Variants in ARHGEF38 observed in about 807,000 individuals in gnomAD.
ARHGEF38 encodes the protein Rho guanine nucleotide exchange factor (GEF) 38.
A neutral mutation model predicts 79.9 loss-of-function variants in ARHGEF38; 79 were observed. That is an observed-to-expected ratio of 0.99 (90% CI 0.82 to 1.19). The LOEUF (loss-of-function observed/expected upper bound fraction) is 1.19. ARHGEF38 is among the 50% of genes most tolerant of loss of function. The pLI, the probability that ARHGEF38 is intolerant of heterozygous loss-of-function variation, is 0.00. For synonymous variants in ARHGEF38, 366 were observed against 328.3 expected, an observed-to-expected ratio of 1.11 and a Z score of -1.24; for missense variants, 962 against 907.2, an observed-to-expected ratio of 1.06 and a Z score of -0.78.
chr4:105,663,760 G>A (rs925621037), intron 10 of ARHGEF38, among the ~76,000 whole-genome samples: 8 of 152,068 alleles, frequency 5.3e-5, no homozygotes, highest in Admixed American at 1.3e-4. Flanking sequence ...ACTTGAGGCC[G>A]AGAGTTCAAG....
chr4:105,585,726 C>CTTTCTTTT (rs1727003651), intron 1 of ARHGEF38, among the ~76,000 whole-genome samples: 1 of 71,504 alleles, frequency 1.4e-5, no homozygotes, highest in Non-Finnish European at 2.4e-5. Context: ...CCCTCCGTTG[C>CTTTCTTTT]TTTTTTTTTT....
At chr4:105,605,034 C>A (rs951045721) in intron 2 of ARHGEF38, among the ~76,000 whole-genome samples, 1 of 152,044 alleles carries the variant, frequency 6.6e-6, no homozygotes, top group Non-Finnish European at 1.5e-5. Context: ...GCTCAAAAGA[C>A]CTATTTTTTA....
Position 105,611,643 on chromosome 4 carries a change from T to C in ARHGEF38, c.385-1741T>C, listed in dbSNP as rs186724117. ...GTGATATTAAATATACTTTCTAATA[T>C]AGAAATTGAAAATCTTGAACCTCTC... On this transcript the variant is annotated intron_variant, in intron 2 of 13. Transcript: ENST00000420470. 4.2e-3 allele frequency among the ~76,000 whole-genome samples: 644 copies of C among 152,148 alleles called. 8 individuals are homozygous for C. Among genetic ancestry groups the C allele is most frequent in the African/African-American group, 0.014 (600 of 41,546 alleles).
chr4:105,632,468 T>C (rs1262677521), intron 4 of ARHGEF38, among the ~76,000 whole-genome samples: 2 of 152,212 alleles, frequency 1.3e-5, no homozygotes, highest in African/African-American at 2.4e-5. Context: ...AGTGTTAGTA[T>C]ATCAATTCAG....
At chr4:105,634,065 C>T (rs974855049) in intron 4 of ARHGEF38, among the ~76,000 whole-genome samples, 2 of 152,204 alleles carry the variant, frequency 1.3e-5, no homozygotes, top group South Asian at 4.1e-4. Flanking sequence ...CCAGATCCAC[C>T]AGGATGGTGT....
intron 2 of ARHGEF38, among the ~76,000 whole-genome samples, chr4:105,595,437 T>G (rs925408628): frequency 1.3e-5 from 2 of 152,232 alleles, no homozygotes; most frequent in African/African-American, 4.8e-5. Context: ...TGATATACTA[T>G]ATGGCAACAT....
intron 1 of ARHGEF38, among the ~76,000 whole-genome samples, chr4:105,577,080 T>C (rs974550615): frequency 8.6e-5 from 8 of 93,388 alleles, no homozygotes; most frequent in South Asian, 4.8e-4. Flanking sequence ...GCTTTCTTTT[T>C]TTTTACTTTC....
chr4:105,589,272 G>A lies in ARHGEF38; in HGVS notation c.221G>A (p.Cys74Tyr). 6.2e-7 allele frequency: 1 copy of A among 1,613,804 alleles called. No homozygotes were observed. The highest frequency in any genetic ancestry group is 2.2e-5 in the East Asian group (1 of 44,850). The part of the protein sequence containing the change: ...LQEKMTPQGE[C>Y]SVAETLTPEE... ...GAAAAGATGACTCCACAGGGTGAGT[G>A]TTCTGTAGCTGAGACCTTAACCCCA... The change falls in exon 2 of 14, where the codon TGT becomes TAT. Residue 74 changes from cysteine to tyrosine, a missense_variant. Coordinates refer to ENST00000420470, the MANE Select transcript of ARHGEF38 (RefSeq NM_001242729.2).
chr4:105,664,089 G>C (rs1197330060), intron 10 of ARHGEF38, among the ~76,000 whole-genome samples: 2 of 151,972 alleles, frequency 1.3e-5, no homozygotes, highest in African/African-American at 4.8e-5. Context: ...TGTGAATAAT[G>C]CTGCAATGAC....
At chr4:105,603,089 T>A (rs1417446200) in intron 2 of ARHGEF38, among the ~76,000 whole-genome samples, 1 of 152,204 alleles carries the variant, frequency 6.6e-6, no homozygotes, top group Non-Finnish European at 1.5e-5. Context: ...GTTTGGGAAC[T>A]GCCTTTAGCA....
In ARHGEF38 at chr4:105,678,354, TATAC is replaced by T. The variant is rs1336217260; in HGVS notation, c.*425_*428del. 6.3e-6 allele frequency: 1 copy of T among 158,408 alleles called. No individual in the cohort carries two copies. Among genetic ancestry groups the T allele is most frequent in the Non-Finnish European group, 1.4e-5 (1 of 71,468 alleles). 9.8% of individuals were successfully genotyped at this position (158,408 alleles called of 1,614,324 possible). A position where few individuals can be genotyped will look rare whatever the true frequency, so the allele number is the denominator to read the frequency against. On this transcript the variant is annotated 3_prime_UTR_variant, in exon 14 of 14. Coordinates refer to ENST00000420470, the MANE Select transcript of ARHGEF38 (RefSeq NM_001242729.2). ...TCTCTTGCAAATGCATACATGTTTA[TATAC>T]ATACATATAAACCATATATATTATG... is the stretch of plus-strand genomic sequence containing the variant.
At chr4:105,606,021 C>A (rs561274515) in intron 2 of ARHGEF38, among the ~76,000 whole-genome samples, 9 of 152,144 alleles carry the variant, frequency 5.9e-5, no homozygotes, top group Admixed American at 5.9e-4. Context: ...AATAATGGAT[C>A]AATCTAATTT....
chr4:105,621,610 G>A (rs966391406), intron 3 of ARHGEF38, among the ~76,000 whole-genome samples: 1 of 152,310 alleles, frequency 6.6e-6, no homozygotes, highest in African/African-American at 2.4e-5. Context: ...GGTCCCTGAA[G>A]TAGAAATCTG....
At chr4:105,658,415 A>T (rs1730425195) in intron 9 of ARHGEF38, among the ~76,000 whole-genome samples, 1 of 152,242 alleles carries the variant, frequency 6.6e-6, no homozygotes, top group Non-Finnish European at 1.5e-5. Context: ...TAATTAATTA[A>T]TTAAAAATAA....
At chr4:105,593,004 T>C (rs1727411285) in intron 2 of ARHGEF38, among the ~76,000 whole-genome samples, 2 of 152,300 alleles carry the variant, frequency 1.3e-5, no homozygotes, top group South Asian at 4.1e-4. Flanking sequence ...TTACCCTCCT[T>C]ATGGAATCAT....
chr4:105,557,611 A>T (rs1424382075), intron 1 of ARHGEF38, among the ~76,000 whole-genome samples: 1 of 151,616 alleles, frequency 6.6e-6, no homozygotes, highest in Non-Finnish European at 1.5e-5. Flanking sequence ...AAAAAAAAAA[A>T]AAAGGCAAGA....
In ARHGEF38 at chr4:105,655,698, T is replaced by C; in HGVS notation, c.1209T>C (p.Asn403=). The C allele has an allele frequency of 6.5e-7, 1 of 1,535,356 alleles. No individual in the cohort carries two copies. The highest frequency in any genetic ancestry group is 8.7e-7 in the Non-Finnish European group (1 of 1,146,454). ...TGGACTATTCTGAGACCCTAAGTAA[T>C]GCCTTAAATTCGTGTCATGACTTTG... ...DEMDYSETLS[N]ALNSCHDFAS... is the part of the protein sequence containing the mutation. Residue 403 remains asparagine, a synonymous_variant, in exon 9 of 14, where the codon AAT becomes AAC. Coordinates refer to ENST00000420470, the MANE Select transcript of ARHGEF38 (RefSeq NM_001242729.2).
chr4:105,560,378 A>G (rs1725457194), intron 1 of ARHGEF38, among the ~76,000 whole-genome samples: 1 of 152,176 alleles, frequency 6.6e-6, no homozygotes, highest in South Asian at 2.1e-4. Flanking sequence ...GCCTGTTGTC[A>G]TTTATTTGCA....
intron 1 of ARHGEF38, among the ~76,000 whole-genome samples, chr4:105,579,569 C>A (rs1726675814): frequency 6.6e-6 from 1 of 152,140 alleles, no homozygotes; most frequent in Admixed American, 6.6e-5. Context: ...CCTTGCATCC[C>A]AGGGATGAAG....
Sources: gnomAD v4.1 joint callset for allele counts (sites outside exome capture counted in the v4.1 genomes callset) on GRCh38, gnomAD v4.1.1 for gene constraint, MANE v1.5 for transcripts, NCBI Gene and HGNC (gene_info 2026-07-23, HGNC 2026-07-21) for gene names.